ST6GALNAC3: variants seen among roughly 807,000 people sequenced by gnomAD.
The protein encoded by ST6GALNAC3 is alpha-N-acetylgalactosaminide alpha-2,6-sialyltransferase 3.
In ST6GALNAC3, 25 loss-of-function variants were observed where a neutral mutation model predicts 32.7. The observed-to-expected ratio is 0.76, with a 90% confidence interval of 0.56 to 1.07. ST6GALNAC3 has a LOEUF of 1.07. ST6GALNAC3 is among the 50% of genes least tolerant of loss of function. The pLI is 0.00. For missense variants in ST6GALNAC3, 355 were observed against 382.4 expected, an observed-to-expected ratio of 0.93 and a Z score of 0.60; for synonymous variants, 129 against 133.1, an observed-to-expected ratio of 0.97 and a Z score of 0.21.
intron 1 of ST6GALNAC3, among the ~76,000 whole-genome samples, chr1:76,304,361 T>TTTCCTCC (rs1329253812): frequency 2.6e-5 from 4 of 151,980 alleles, no homozygotes; most frequent in African/African-American, 9.7e-5. Context: ...CTCTTCCCTC[T>TTTCCTCC]TTCCTCCATC....
At chr1:76,287,834 AC>A (rs2100807294) in intron 1 of ST6GALNAC3, among the ~76,000 whole-genome samples, 1 of 152,256 alleles carries the variant, frequency 6.6e-6, no homozygotes, top group Admixed American at 6.5e-5. Flanking sequence ...AGTTAGCAAC[AC>A]TCTTCTAAGT....
chr1:76,420,792 C>G (rs1259197821), intron 3 of ST6GALNAC3, among the ~76,000 whole-genome samples: 1 of 152,008 alleles, frequency 6.6e-6, no homozygotes, highest in East Asian at 1.9e-4. Context: ...TGCACTTCCC[C>G]CTGTCACCAT....
At chr1:76,598,745 A>T (rs1177481506) in intron 3 of ST6GALNAC3, among the ~76,000 whole-genome samples, 1 of 152,186 alleles carries the variant, frequency 6.6e-6, no homozygotes, top group African/African-American at 2.4e-5. Context: ...AATTAAAAAA[A>T]AAAAAATGGT....
At position 76,628,844 on chromosome 1, in the gene ST6GALNAC3, A is replaced by T; in HGVS notation, c.*38A>T. On this transcript the variant is annotated 3_prime_UTR_variant, in exon 5 of 5. Coordinates refer to ENST00000328299, the MANE Select transcript of ST6GALNAC3 (RefSeq NM_152996.4). Reference sequence around the variant, plus strand: ...TGATCTTGCCGCATCACTTAATGTGATCCCCATACTGCAACTGTGATGCTG... The same window carrying T: ...TGATCTTGCCGCATCACTTAATGTGTTCCCCATACTGCAACTGTGATGCTG... 5 of 1,601,400 alleles carry T rather than the reference A, an allele frequency of 3.1e-6. No homozygotes were observed. The highest frequency in any genetic ancestry group is 3.4e-6 in the Non-Finnish European group (4 of 1,175,722).
chr1:76,241,201 A>G (rs1656943120), intron 1 of ST6GALNAC3, among the ~76,000 whole-genome samples: 1 of 152,184 alleles, frequency 6.6e-6, no homozygotes, highest in Non-Finnish European at 1.5e-5. Context: ...GCTATTGAGT[A>G]CCTTTCTTAG....
Position 76,091,148 on chromosome 1 carries a change from T to C in ST6GALNAC3, c.18+16264T>C, listed in dbSNP as rs1446401140. Reference sequence around the variant, plus strand: ...AGGATCTTGCACTGGCCCCAGACCATATTCTGTTGTGACCATGCTTCAGTG... The same window carrying C: ...AGGATCTTGCACTGGCCCCAGACCACATTCTGTTGTGACCATGCTTCAGTG... On this transcript the variant is annotated intron_variant, in intron 1 of 4. Transcript: ENST00000328299. 2.0e-5 allele frequency among the ~76,000 whole-genome samples: 3 copies of C among 152,232 alleles called. No homozygotes were observed. The East Asian group carries it at 5.8e-4, about 29-fold the overall frequency.
chr1:76,504,975 T>A (rs1214467548), intron 3 of ST6GALNAC3, among the ~76,000 whole-genome samples: 2 of 152,172 alleles, frequency 1.3e-5, no homozygotes, highest in Non-Finnish European at 2.9e-5. Context: ...CACTTGAAAC[T>A]CAGCATACAC....
chr1:76,353,853 A>T (rs1403934488), intron 2 of ST6GALNAC3: 1 of 153,308 alleles, frequency 6.5e-6, no homozygotes, highest in African/African-American at 2.4e-5. Context: ...TTAAACATGG[A>T]TCTGGCCCCC....
chr1:76,455,947 A>G (rs970255008), intron 3 of ST6GALNAC3, among the ~76,000 whole-genome samples: 2 of 152,194 alleles, frequency 1.3e-5, no homozygotes, highest in African/African-American at 4.8e-5. Context: ...GCACTTTGGG[A>G]GGCTGAGGCA....
intron 1 of ST6GALNAC3, among the ~76,000 whole-genome samples, chr1:76,294,549 T>C (rs1428384551): frequency 6.6e-6 from 1 of 152,106 alleles, no homozygotes; most frequent in Non-Finnish European, 1.5e-5. Context: ...AGCTTTAACC[T>C]GCCCGGAATA....
intron 1 of ST6GALNAC3, among the ~76,000 whole-genome samples, chr1:76,150,720 C>T (rs1165421102): frequency 6.6e-6 from 1 of 152,158 alleles, no homozygotes; most frequent in Non-Finnish European, 1.5e-5. Flanking sequence ...CTGCTTCGTT[C>T]CCACCTCTGT....
At chr1:76,132,581 C>T (rs1048891011) in intron 1 of ST6GALNAC3, among the ~76,000 whole-genome samples, 11 of 152,298 alleles carry the variant, frequency 7.2e-5, no homozygotes, top group African/African-American at 2.4e-4. Context: ...GCACTGCACA[C>T]GAGTCCTGCC....
intron 1 of ST6GALNAC3, among the ~76,000 whole-genome samples, chr1:76,144,676 TCTCCCC>T (rs1650562290): frequency 5.9e-5 from 9 of 152,278 alleles, no homozygotes; most frequent in African/African-American, 2.2e-4. Flanking sequence ...AATACAATAC[TCTCCCC>T]GCTTCCCCTA....
At chr1:76,403,565 C>T (rs752255671) in intron 2 of ST6GALNAC3, among the ~76,000 whole-genome samples, 3 of 152,208 alleles carry the variant, frequency 2.0e-5, no homozygotes, top group Non-Finnish European at 2.9e-5. Flanking sequence ...CAGGTGCCAT[C>T]CTCAGAAATT....
chr1:76,574,943 A>G (rs1646777178), intron 3 of ST6GALNAC3, among the ~76,000 whole-genome samples: 1 of 152,100 alleles, frequency 6.6e-6, no homozygotes, highest in Admixed American at 6.6e-5. Flanking sequence ...TGCTAAGGCA[A>G]AGAAGTTGAC....
chr1:76,455,699 A>T (rs1657726410), intron 3 of ST6GALNAC3, among the ~76,000 whole-genome samples: 1 of 152,048 alleles, frequency 6.6e-6, no homozygotes. Context: ...TTGCATGCCT[A>T]TTCTCTAGGT....
Position 76,389,011 on chromosome 1 carries a change from C to CTTTTT in ST6GALNAC3, c.214-22997_214-22996insTTTTT, listed in dbSNP as rs138986165. On this transcript the variant is annotated intron_variant, in intron 2 of 4. Transcript: ENST00000328299. ...GGTGTGGTTGTTAGTTGGTATATTT[C>CTTTTT]CTTTTTTTTTTTTTTTTGAGACAGA... 2.2e-4 allele frequency among the ~76,000 whole-genome samples: 24 copies of CTTTTT among 107,920 alleles called. 2 individuals carry two copies. The highest frequency in any genetic ancestry group is 5.8e-3 in the Middle Eastern group (1 of 172). 70.8% of individuals were successfully genotyped at this position (107,920 alleles called of 152,430 possible). A position where few individuals can be genotyped will look rare whatever the true frequency, so the allele number is the denominator to read the frequency against.
chr1:76,330,784 G>A (rs549456723), intron 2 of ST6GALNAC3, among the ~76,000 whole-genome samples: 3 of 152,102 alleles, frequency 2.0e-5, no homozygotes, highest in African/African-American at 4.8e-5. Flanking sequence ...TGCAAGTGTC[G>A]GTCTTTCCAT....
intron 3 of ST6GALNAC3, among the ~76,000 whole-genome samples, chr1:76,622,862 C>A (rs1648736042): frequency 6.6e-6 from 1 of 151,906 alleles, no homozygotes; most frequent in East Asian, 1.9e-4. Flanking sequence ...CTCAGTTCCT[C>A]CCCTGAAATT....
Sources: gnomAD v4.1 joint callset for allele counts (sites outside exome capture counted in the v4.1 genomes callset) on GRCh38, gnomAD v4.1.1 for gene constraint, MANE v1.5 for transcripts, NCBI Gene and HGNC (gene_info 2026-07-23, HGNC 2026-07-21) for gene names.